GHR: variants seen among roughly 807,000 people sequenced by gnomAD.
The protein encoded by GHR is growth hormone receptor.
GHR carries 35 observed loss-of-function variants against 67.1 expected under a neutral mutation model. The observed-to-expected ratio is 0.52, with a 90% CI of 0.40 to 0.69. The LOEUF (loss-of-function observed/expected upper bound fraction) is 0.69, where lower values mean the gene tolerates loss of function less well. GHR is among the 30% of genes least tolerant of loss of function. The pLI is 0.00. For synonymous variants in GHR, 272 were observed against 269.1 expected, an observed-to-expected ratio of 1.01 and a Z score of -0.10; for missense variants, 792 against 764.6, an observed-to-expected ratio of 1.04 and a Z score of -0.42.
chr5:42,649,870 A>C (rs1754927949), intron 3 of GHR, among the ~76,000 whole-genome samples: 1 of 152,246 alleles, frequency 6.6e-6, no homozygotes, highest in Non-Finnish European at 1.5e-5. Context: ...CTAGAAAACA[A>C]GGTGACAGGT....
chr5:42,561,291 A>G (rs1157355764), intron 1 of GHR, among the ~76,000 whole-genome samples: 1 of 151,962 alleles, frequency 6.6e-6, no homozygotes, highest in Non-Finnish European at 1.5e-5. Context: ...TCACAGTTTC[A>G]TGTGTTTGTA....
chr5:42,586,362 C>G (rs566686369), intron 2 of GHR, among the ~76,000 whole-genome samples: 24 of 152,158 alleles, frequency 1.6e-4, no homozygotes, highest in Admixed American at 1.1e-3. Context: ...GCTAACATGA[C>G]TGTATCCAAC....
At chr5:42,556,101 C>T (rs1749292959) in intron 1 of GHR, among the ~76,000 whole-genome samples, 1 of 152,056 alleles carries the variant, frequency 6.6e-6, no homozygotes, top group South Asian at 2.1e-4. Context: ...ATAACTTTAC[C>T]ATGTTGGACT....
At chr5:42,651,927 G>C (rs143944416) in intron 3 of GHR, among the ~76,000 whole-genome samples, 1 of 151,980 alleles carries the variant, frequency 6.6e-6, no homozygotes, top group East Asian at 1.9e-4. Flanking sequence ...AATATTTGGG[G>C]GCATAATTCA....
At chr5:42,690,338 C>T in intron 4 of GHR, among the ~76,000 whole-genome samples, 1 of 152,190 alleles carries the variant, frequency 6.6e-6, no homozygotes, top group East Asian at 1.9e-4. Context: ...ACAACTCAGC[C>T]TCCTCATTTG....
intron 6 of GHR, among the ~76,000 whole-genome samples, chr5:42,703,514 G>C (rs1433807430): frequency 6.6e-6 from 1 of 151,998 alleles, no homozygotes; most frequent in Non-Finnish European, 1.5e-5. Context: ...TCTTGTTCAA[G>C]ATTGCTTTGG....
chr5:42,565,851 T>C lies in GHR; in HGVS notation c.-11-13T>C. 1 of 1,613,962 alleles carries C rather than the reference T, an allele frequency of 6.2e-7. No individual in the cohort carries two copies. The highest frequency in any genetic ancestry group is 8.5e-7 in the Non-Finnish European group (1 of 1,179,836). On this transcript the variant is annotated splice_polypyrimidine_tract_variant and intron_variant, in intron 1 of 9. Coordinates refer to ENST00000230882, the MANE Select transcript of GHR (RefSeq NM_000163.5). ...AATTGCTGGGCTTTACCTTACCCTTTTTGTGATTGCAGGTCCTACAGGTAT... is the reference window on the plus strand; with the variant it reads ...AATTGCTGGGCTTTACCTTACCCTTCTTGTGATTGCAGGTCCTACAGGTAT...
At chr5:42,577,123 C>T (rs961357519) in intron 2 of GHR, among the ~76,000 whole-genome samples, 7 of 152,160 alleles carry the variant, frequency 4.6e-5, no homozygotes, top group African/African-American at 1.7e-4. Context: ...CGTGGGTGTG[C>T]AGGGCTGACC....
At chr5:42,558,250 G>T (rs1379909300) in intron 1 of GHR, among the ~76,000 whole-genome samples, 1 of 152,082 alleles carries the variant, frequency 6.6e-6, no homozygotes, top group Admixed American at 6.5e-5. Flanking sequence ...TGAATTTTTT[G>T]TCCCCATCAT....
intron 1 of GHR, among the ~76,000 whole-genome samples, chr5:42,426,828 G>A (rs1339930477): frequency 6.6e-6 from 1 of 152,142 alleles, no homozygotes; most frequent in East Asian, 1.9e-4. Context: ...AATTACTTAA[G>A]ATGATAATTA....
chr5:42,603,965 T>C (rs921225716), intron 2 of GHR, among the ~76,000 whole-genome samples: 1 of 152,206 alleles, frequency 6.6e-6, no homozygotes, highest in Non-Finnish European at 1.5e-5. Context: ...ACAACCCCCT[T>C]CTGAGGTTCA....
At chr5:42,669,066 T>A (rs556595011) in intron 3 of GHR, among the ~76,000 whole-genome samples, 1 of 152,264 alleles carries the variant, frequency 6.6e-6, no homozygotes, top group South Asian at 2.1e-4. Context: ...CTGAGATGAT[T>A]CTCATTCTCA....
Position 42,467,078 on chromosome 5 carries a change from G to A in GHR, c.-12+43123G>A. On this transcript the variant is annotated intron_variant, in intron 1 of 9. Coordinates refer to ENST00000230882, the MANE Select transcript of GHR (RefSeq NM_000163.5). ...GGTTTTTCTCCATTATGGATTCTCT[G>A]ATGAATAAGTAGGTATGAGCTACAT... 5 of 1,583,766 alleles carry A rather than the reference G, an allele frequency of 3.2e-6. No individual in the cohort carries two copies. In the South Asian group the frequency reaches 5.6e-5, roughly 18 times the overall value.
intron 1 of GHR, among the ~76,000 whole-genome samples, chr5:42,476,001 C>T (rs938928912): frequency 1.1e-4 from 16 of 149,606 alleles, no homozygotes; most frequent in South Asian, 4.3e-4. Flanking sequence ...GCCTCCCAGG[C>T]TCACGCCATT....
intron 2 of GHR, among the ~76,000 whole-genome samples, chr5:42,571,646 AGGAGTG>A (rs1266589113): frequency 6.6e-6 from 1 of 152,190 alleles, no homozygotes; most frequent in Non-Finnish European, 1.5e-5. Context: ...AGTAAATTGA[AGGAGTG>A]GGACCACCCA....
At chr5:42,671,179 A>T (rs1004930736) in intron 3 of GHR, among the ~76,000 whole-genome samples, 3 of 152,222 alleles carry the variant, frequency 2.0e-5, no homozygotes, top group Admixed American at 1.3e-4. Flanking sequence ...ATGGTTCTGC[A>T]GCCTGTACAA....
At chr5:42,636,156 GCCGAGAT>G (rs1754175800) in intron 3 of GHR, among the ~76,000 whole-genome samples, 2 of 137,648 alleles carry the variant, frequency 1.5e-5, no homozygotes, top group Non-Finnish European at 1.5e-5. Flanking sequence ...CTTGCAGTGA[GCCGAGAT>G]CTCACCACTG....
At chr5:42,609,233 C>T (rs1752771778) in intron 2 of GHR, among the ~76,000 whole-genome samples, 1 of 152,098 alleles carries the variant, frequency 6.6e-6, no homozygotes, top group Non-Finnish European at 1.5e-5. Context: ...TTACTAGTGC[C>T]ATCATGGGAA....
At chr5:42,473,549 A>G (rs1260183446) in intron 1 of GHR, among the ~76,000 whole-genome samples, 1 of 152,232 alleles carries the variant, frequency 6.6e-6, no homozygotes, top group Admixed American at 6.5e-5. Context: ...GGCAAAGCTC[A>G]GAAAAGCTGA....
Sources: allele counts gnomAD v4.1 joint callset (sites outside exome capture counted in the v4.1 genomes callset), GRCh38; gene constraint gnomAD v4.1.1; transcripts MANE v1.5; gene names NCBI Gene and HGNC (gene_info 2026-07-23, HGNC 2026-07-21).